Variants in CYSTM1 observed in about 807,000 individuals in gnomAD.
The protein encoded by CYSTM1 is cysteine-rich transmembrane module-containing protein 1.
CYSTM1 carries 4 observed loss-of-function variants against 13.1 expected under a neutral mutation model. The observed-to-expected ratio is 0.31, with a 90% CI of 0.15 to 0.70. The LOEUF is 0.70. Ranked by LOEUF, CYSTM1 falls within the 30% of genes least tolerant of loss-of-function variation. CYSTM1 has a pLI of 0.72. For missense variants in CYSTM1, 96 were observed against 121.6 expected (o/e 0.79, Z 0.99); for synonymous variants, 36 against 42.7 (o/e 0.84, Z 0.62).
chr5:140,211,651 T>TA (rs1388195778), intron 2 of CYSTM1, among the ~76,000 whole-genome samples: 2 of 152,160 alleles, frequency 1.3e-5, no homozygotes, highest in African/African-American at 4.8e-5. Flanking sequence ...AAATACCTGT[T>TA]AAATCCCTTC....
At chr5:140,220,045 T>C (rs1175032211) in intron 2 of CYSTM1, among the ~76,000 whole-genome samples, 3 of 152,232 alleles carry the variant, frequency 2.0e-5, no homozygotes, top group East Asian at 1.9e-4. Flanking sequence ...TCTAAAATCA[T>C]GGCAGTAGTT....
chr5:140,195,970 G>A (rs1764151835), intron 2 of CYSTM1, among the ~76,000 whole-genome samples: 1 of 151,682 alleles, frequency 6.6e-6, no homozygotes. Flanking sequence ...GCTTGAACCT[G>A]GGAGGCAGAG....
At chr5:140,236,666 C>T (rs1764684438) in intron 2 of CYSTM1, among the ~76,000 whole-genome samples, 1 of 152,136 alleles carries the variant, frequency 6.6e-6, no homozygotes, top group Admixed American at 6.5e-5. Context: ...TCTTCCTTCC[C>T]ATCCTGTAGG....
At position 140,243,291 on chromosome 5, in the gene CYSTM1, T is replaced by C; in HGVS notation, c.188-14T>C. 1 of 1,611,898 alleles carries C rather than the reference T, an allele frequency of 6.2e-7. No homozygotes were observed. Among genetic ancestry groups the C allele is most frequent in the Non-Finnish European group, 8.5e-7 (1 of 1,178,104 alleles). Reference sequence around the variant, plus strand: ...ACCAGTCCATTCTCACCCTCTTCCCTCTTCTCCCTCCAGTGTATGTGGTAG... The same window carrying C: ...ACCAGTCCATTCTCACCCTCTTCCCCCTTCTCCCTCCAGTGTATGTGGTAG... On this transcript the variant is annotated splice_polypyrimidine_tract_variant and intron_variant, in intron 2 of 2. Coordinates refer to ENST00000261811, the MANE Select transcript of CYSTM1 (RefSeq NM_032412.4).
At chr5:140,195,146 G>A (rs888728627) in intron 2 of CYSTM1, among the ~76,000 whole-genome samples, 3 of 152,200 alleles carry the variant, frequency 2.0e-5, no homozygotes, top group Non-Finnish European at 4.4e-5. Context: ...CTTCTTGTGT[G>A]CTATAGAACA....
At chr5:140,213,595 G>A (rs996451608) in intron 2 of CYSTM1, among the ~76,000 whole-genome samples, 1 of 152,174 alleles carries the variant, frequency 6.6e-6, no homozygotes, top group African/African-American at 2.4e-5. Flanking sequence ...TTCCAGGCCT[G>A]TAGGCTCCAT....
At chr5:140,204,797 G>A (rs1764278419) in intron 2 of CYSTM1, among the ~76,000 whole-genome samples, 1 of 152,092 alleles carries the variant, frequency 6.6e-6, no homozygotes, top group Non-Finnish European at 1.5e-5. Flanking sequence ...ATGTGTATGT[G>A]TATATGCTCA....
intron 2 of CYSTM1, among the ~76,000 whole-genome samples, chr5:140,215,068 T>C (rs1764411214): frequency 1.3e-5 from 2 of 152,216 alleles, no homozygotes; most frequent in African/African-American, 4.8e-5. Flanking sequence ...CAGTGGTCAG[T>C]GTGGTTAGCC....
chr5:140,196,020 G>A lies in CYSTM1; in HGVS notation c.187+1368G>A, dbSNP rs1764152386. Reference sequence around the variant, plus strand: ...AGGTCACACCATGCACTCTAGCCTGGCGACAGTGAGACTCCATCTCAAAAA... The same window carrying A: ...AGGTCACACCATGCACTCTAGCCTGACGACAGTGAGACTCCATCTCAAAAA... On this transcript the variant is annotated intron_variant, in intron 2 of 2. Transcript: ENST00000261811. 5.0e-5 allele frequency among the ~76,000 whole-genome samples: 3 copies of A among 60,392 alleles called. No homozygotes were observed. The South Asian group carries it at 9.6e-4, about 19-fold the overall frequency. The allele number at this position is 60,392 out of a possible 152,430, so 39.6% of individuals were successfully genotyped here.
chr5:140,206,529 A>G (rs190038435), intron 2 of CYSTM1, among the ~76,000 whole-genome samples: 147 of 151,892 alleles, frequency 9.7e-4, no homozygotes, highest in African/African-American at 3.5e-3. Flanking sequence ...TCCTCCTCTC[A>G]TCTGTACAGA....
intron 2 of CYSTM1, among the ~76,000 whole-genome samples, chr5:140,236,331 G>A (rs576547911): frequency 6.6e-6 from 1 of 152,270 alleles, no homozygotes; most frequent in African/African-American, 2.4e-5. Context: ...CAGTCTTGTG[G>A]CTTGGATTGC....
At chr5:140,234,056 CTT>C (rs1764649612) in intron 2 of CYSTM1, among the ~76,000 whole-genome samples, 1 of 152,070 alleles carries the variant, frequency 6.6e-6, no homozygotes, top group African/African-American at 2.4e-5. Flanking sequence ...CATGAAGATG[CTT>C]TTCCATGTTT....
chr5:140,182,506 C>T (rs1440071763), intron 1 of CYSTM1, among the ~76,000 whole-genome samples: 5 of 152,172 alleles, frequency 3.3e-5, no homozygotes, highest in African/African-American at 1.2e-4. Flanking sequence ...AAATTCTAGG[C>T]CCTCTGCCAG....
intron 1 of CYSTM1, among the ~76,000 whole-genome samples, chr5:140,176,265 T>C (rs1763882192): frequency 6.6e-6 from 1 of 152,188 alleles, no homozygotes; most frequent in African/African-American, 2.4e-5. Flanking sequence ...TCTTCTCTGA[T>C]GGGATTCCTC....
chr5:140,194,398 G>T, intron 1 of CYSTM1, 48 bp from the exon 2 acceptor site: 1 of 1,467,236 alleles, frequency 6.8e-7, no homozygotes, highest in Non-Finnish European at 9.1e-7. Context: ...TATTCCTGAT[G>T]ATTTCCACAG....
chr5:140,192,916 G>T (rs1272148963), intron 1 of CYSTM1, among the ~76,000 whole-genome samples: 1 of 152,168 alleles, frequency 6.6e-6, no homozygotes, highest in Non-Finnish European at 1.5e-5. Flanking sequence ...CTGGAAACCT[G>T]ACTCCTGTTA....
Position 140,193,749 on chromosome 5 carries a change from G to A in CYSTM1, c.-20-697G>A, listed in dbSNP as rs1385892781. 2.6e-5 allele frequency among the ~76,000 whole-genome samples: 4 copies of A among 152,230 alleles called. No individual in the cohort carries two copies. In the East Asian group the frequency reaches 7.7e-4, roughly 29 times the overall value. ...ACAGAAGCAAACCATGGAGGACAGG[G>A]TCCTGTAAACACAAATAAATGTTCC... On this transcript the variant is annotated intron_variant, in intron 1 of 2. Transcript: ENST00000261811.
intron 1 of CYSTM1, among the ~76,000 whole-genome samples, chr5:140,193,422 A>G (rs1247734845): frequency 6.6e-6 from 1 of 152,160 alleles, no homozygotes; most frequent in Non-Finnish European, 1.5e-5. Context: ...TAGCGGGACT[A>G]CAAGCACATG....
At chr5:140,205,655 A>C (rs545082062) in intron 2 of CYSTM1, among the ~76,000 whole-genome samples, 1 of 152,288 alleles carries the variant, frequency 6.6e-6, no homozygotes, top group South Asian at 2.1e-4. Flanking sequence ...ATTGTGATAA[A>C]GAATAAATAA....
Sources: allele counts gnomAD v4.1 joint callset (sites outside exome capture counted in the v4.1 genomes callset), GRCh38; gene constraint gnomAD v4.1.1; transcripts MANE v1.5; gene names NCBI Gene and HGNC (gene_info 2026-07-23, HGNC 2026-07-21).